The following PPM1L variants were observed in gnomAD, a reference collection of about 807,000 sequenced individuals.
PPM1L encodes protein phosphatase 1L.
A neutral mutation model predicts 31.4 loss-of-function variants in PPM1L; 13 were observed. That is an observed-to-expected ratio of 0.41 (90% confidence interval 0.27 to 0.66). PPM1L has a LOEUF of 0.66. Ranked by LOEUF, PPM1L falls within the 30% of genes least tolerant of loss-of-function variation. PPM1L has a pLI of 0.29. For missense variants in PPM1L, 326 were observed against 453.7 expected, an observed-to-expected ratio of 0.72 and a Z score of 2.56; for synonymous variants, 184 against 175.4, an observed-to-expected ratio of 1.05 and a Z score of -0.39.
At chr3:160,988,427 A>G (rs1441554738) in intron 2 of PPM1L, among the ~76,000 whole-genome samples, 3 of 152,204 alleles carry the variant, frequency 2.0e-5, no homozygotes, top group Admixed American at 6.5e-5. Flanking sequence ...GCAGATGCAA[A>G]AAATCAGATT....
At chr3:160,763,314 C>T (rs1266945319) in intron 1 of PPM1L, among the ~76,000 whole-genome samples, 1 of 152,158 alleles carries the variant, frequency 6.6e-6, no homozygotes, top group Non-Finnish European at 1.5e-5. Flanking sequence ...TTGTATCATG[C>T]CTCCATGGGA....
At chr3:160,913,504 G>C (rs1442264266) in intron 1 of PPM1L, among the ~76,000 whole-genome samples, 4 of 152,038 alleles carry the variant, frequency 2.6e-5, no homozygotes, top group South Asian at 2.1e-4. Flanking sequence ...CCACTATCAA[G>C]ATCTAGACTT....
intron 1 of PPM1L, among the ~76,000 whole-genome samples, chr3:160,830,627 T>C (rs1713499018): frequency 6.6e-6 from 1 of 152,192 alleles, no homozygotes; most frequent in Admixed American, 6.6e-5. Context: ...GCAAATTTTA[T>C]GGTTTCAAGA....
At chr3:160,797,073 G>C (rs1712270009) in intron 1 of PPM1L, among the ~76,000 whole-genome samples, 1 of 151,858 alleles carries the variant, frequency 6.6e-6, no homozygotes, top group South Asian at 2.1e-4. Flanking sequence ...GTTTTGTTTT[G>C]TTTTGTTTTT....
In PPM1L at chr3:160,890,884, C is replaced by T. The variant is rs952807821; in HGVS notation, c.400-70852C>T. 2.0e-5 allele frequency among the ~76,000 whole-genome samples: 3 copies of T among 152,172 alleles called. No homozygotes were observed. The East Asian group carries it at 5.8e-4, about 29-fold the overall frequency. On this transcript the variant is annotated intron_variant, in intron 1 of 3. Transcript: ENST00000498165. Reference sequence around the variant, plus strand: ...AAATAAGCAATGGGGAAAGGATCTCCTATTCAATAAATGGTGCTAGGAAAA... The same window carrying T: ...AAATAAGCAATGGGGAAAGGATCTCTTATTCAATAAATGGTGCTAGGAAAA...
chr3:160,867,478 A>G (rs1184181947), intron 1 of PPM1L, among the ~76,000 whole-genome samples: 3 of 152,010 alleles, frequency 2.0e-5, no homozygotes, highest in South Asian at 2.1e-4. Flanking sequence ...CTAAAATTTT[A>G]TTAGTTATAA....
intron 1 of PPM1L, among the ~76,000 whole-genome samples, chr3:160,881,395 G>GT (rs1434741660): frequency 1.3e-5 from 2 of 152,158 alleles, no homozygotes; most frequent in Non-Finnish European, 1.5e-5. Context: ...TGAATTATCA[G>GT]TTTTTTCTAA....
chr3:160,762,232 A>G (rs1460651482), intron 1 of PPM1L, among the ~76,000 whole-genome samples: 4 of 152,200 alleles, frequency 2.6e-5, no homozygotes, highest in African/African-American at 9.7e-5. Context: ...TTTAGTATGG[A>G]CAAATGCCTT....
At chr3:160,764,026 T>C (rs554759778) in intron 1 of PPM1L, among the ~76,000 whole-genome samples, 29 of 152,204 alleles carry the variant, frequency 1.9e-4, no homozygotes, top group Non-Finnish European at 4.1e-4. Flanking sequence ...CCATGATAGA[T>C]ATTACAGAAA....
intron 2 of PPM1L, among the ~76,000 whole-genome samples, chr3:161,032,866 AT>A (rs61145165): frequency 0.022 from 2,345 of 107,292 alleles, 66 homozygotes; most frequent in African/African-American, 0.071. Context: ...CTAATTTTGT[AT>A]TTTTTTTTTT....
intron 2 of PPM1L, among the ~76,000 whole-genome samples, chr3:160,962,969 C>T (rs1716014505): frequency 7.4e-6 from 1 of 135,438 alleles, no homozygotes. Context: ...TCTTATTCTT[C>T]TTTGCTTTTT....
chr3:160,831,054 T>G (rs1360494578), intron 1 of PPM1L, among the ~76,000 whole-genome samples: 1 of 152,230 alleles, frequency 6.6e-6, no homozygotes, highest in African/African-American at 2.4e-5. Context: ...TAATATTGGA[T>G]GCATTGGAAT....
chr3:160,994,063 G>A (rs974938575), intron 2 of PPM1L, among the ~76,000 whole-genome samples: 4 of 151,688 alleles, frequency 2.6e-5, no homozygotes, highest in African/African-American at 9.7e-5. Flanking sequence ...TTTATAGGGG[G>A]GTGGGGGCGG....
At position 160,986,629 on chromosome 3, in the gene PPM1L, T is replaced by G. The variant is rs1369856544; in HGVS notation, c.574+24719T>G. Among the ~76,000 whole-genome samples the G allele has an allele frequency of 2.0e-5, 3 of 152,226 alleles. No homozygotes were observed. The East Asian group carries it at 5.8e-4, about 29-fold the overall frequency. ...TCCCACATCTTTGGCAGCATGTTCT[T>G]TGGTTACTTCTTCATAGAACAGTGA... is the stretch of plus-strand genomic sequence containing the variant. On this transcript the variant is annotated intron_variant, in intron 2 of 3. Coordinates refer to ENST00000498165, the MANE Select transcript of PPM1L (RefSeq NM_139245.4).
intron 1 of PPM1L, among the ~76,000 whole-genome samples, chr3:160,764,307 T>A (rs999858706): frequency 4.6e-5 from 7 of 152,160 alleles, no homozygotes; most frequent in Middle Eastern, 3.2e-3. Flanking sequence ...TCACCTTTTT[T>A]AAAACAATAT....
chr3:160,944,812 A>ATATAT (rs1553748154), intron 1 of PPM1L, among the ~76,000 whole-genome samples: 848 of 17,968 alleles, frequency 0.047, 82 homozygotes, highest in African/African-American at 0.093. Context: ...CATATATAAC[A>ATATAT]TATATATGTT....
Position 161,065,506 on chromosome 3 carries a change from T to C in PPM1L, c.678T>C (p.Pro226=). The C allele has an allele frequency of 1.2e-6, 2 of 1,614,046 alleles. No homozygotes were observed. The highest frequency in any genetic ancestry group is 1.7e-6 in the Non-Finnish European group (2 of 1,179,952). The stretch of plus-strand genomic sequence containing the variant: ...GTGACAAAGATGGGAACGCTATTCC[T>C]TTGTCTCATGATCACAAGCCTTACC... ...VLCDKDGNAI[P]LSHDHKPYQL... Residue 226 remains proline (P), a synonymous_variant, in exon 3 of 4, where the codon CCT becomes CCC. Coordinates refer to ENST00000498165, the MANE Select transcript of PPM1L (RefSeq NM_139245.4).
chr3:160,797,221 T>G (rs972572616), intron 1 of PPM1L, among the ~76,000 whole-genome samples: 1 of 152,206 alleles, frequency 6.6e-6, no homozygotes, highest in Admixed American at 6.5e-5. Flanking sequence ...ATTATTATTA[T>G]TATATCTGTC....
chr3:161,004,744 A>C (rs202002583), intron 2 of PPM1L, among the ~76,000 whole-genome samples: 6,788 of 148,840 alleles, frequency 0.046, 381 homozygotes, highest in African/African-American at 0.12. Flanking sequence ...TTTCTTTATT[A>C]GTCTTGCTAG....
Sources: allele counts gnomAD v4.1 joint callset (sites outside exome capture counted in the v4.1 genomes callset), GRCh38; gene constraint gnomAD v4.1.1; transcripts MANE v1.5; gene names NCBI Gene and HGNC (gene_info 2026-07-23, HGNC 2026-07-21).